The following PTP4A1 variants were observed in gnomAD, a reference collection of about 807,000 sequenced individuals.
PTP4A1 encodes the protein protein tyrosine phosphatase type IVA 1.
Under a neutral mutation model 20.5 loss-of-function variants are expected in PTP4A1, and 9 were observed. The ratio of observed to expected loss-of-function variants is 0.44; its 90% confidence interval spans 0.26 to 0.77. The LOEUF (loss-of-function observed/expected upper bound fraction) is 0.77, where lower values mean the gene tolerates loss of function less well. PTP4A1 is among the 30% of genes least tolerant of loss of function. The pLI, the probability that PTP4A1 is intolerant of heterozygous loss-of-function variation, is 0.19. For synonymous variants in PTP4A1, 78 were observed against 67.4 expected, an observed-to-expected ratio of 1.16 and a Z score of -0.77; for missense variants, 137 against 218.8, an observed-to-expected ratio of 0.63 and a Z score of 2.36.
At position 63,582,910 on chromosome 6, in the gene PTP4A1, C is replaced by T. The variant is rs1778332987; in HGVS notation, c.*2736C>T. ...GCCCAGGCATGCAGTCACATTTAAT[C>T]ACATCCCCCTTCTAGAGTGCTTCAA... On this transcript the variant is annotated 3_prime_UTR_variant, in exon 6 of 6. Transcript: ENST00000626021. 2.6e-5 allele frequency: 4 copies of T among 152,202 alleles called. 1 individual carries two copies. In the South Asian group the frequency reaches 8.3e-4, roughly 31 times the overall value. 9.4% of individuals were successfully genotyped at this position (152,202 alleles called of 1,614,324 possible). A position where few individuals can be genotyped will look rare whatever the true frequency, so the allele number is the denominator to read the frequency against.
chr6:63,576,797 G>C lies in PTP4A1; in HGVS notation c.-84G>C. ...ATTTCAAGTGGAGTATATTGAAGTA[G>C]ACTTCAGTTTCTTTGCATCATTTCT... On this transcript the variant is annotated 5_prime_UTR_variant, in exon 2 of 6. Coordinates refer to ENST00000626021, the MANE Select transcript of PTP4A1 (RefSeq NM_003463.5). 9.3e-7 allele frequency: 1 copy of C among 1,079,700 alleles called. No individual in the cohort carries two copies. The highest frequency in any genetic ancestry group is 1.4e-6 in the Non-Finnish European group (1 of 729,456). The allele number at this position is 1,079,700 out of a possible 1,614,324, so 66.9% of individuals were successfully genotyped here. A position where few individuals can be genotyped will look rare whatever the true frequency, so the allele number is the denominator to read the frequency against.
At chr6:63,555,459 T>G (rs1336434057) in intron 3 of PTP4A1, among the ~76,000 whole-genome samples, 1 of 152,224 alleles carries the variant, frequency 6.6e-6, no homozygotes, top group Admixed American at 6.5e-5. Flanking sequence ...AGTTATCCAT[T>G]TGTATAAATG....
intron 1 of PTP4A1, among the ~76,000 whole-genome samples, chr6:63,523,222 A>C (rs1293294908): frequency 6.6e-6 from 1 of 152,136 alleles, no homozygotes; most frequent in African/African-American, 2.4e-5. Flanking sequence ...AAACAACTAT[A>C]AAGTAAGTGT....
At chr6:63,564,521 G>C (rs1158761071) in intron 3 of PTP4A1, among the ~76,000 whole-genome samples, 8 of 152,156 alleles carry the variant, frequency 5.3e-5, no homozygotes, top group Admixed American at 5.2e-4. Flanking sequence ...TGTAAGGCCT[G>C]CCCCAGTAAT....
intron 2 of PTP4A1, among the ~76,000 whole-genome samples, chr6:63,537,535 C>T (rs980456775): frequency 1.3e-4 from 20 of 152,188 alleles, no homozygotes; most frequent in African/African-American, 4.8e-4. Context: ...TACCTTTTCA[C>T]CCCAGAGAAA....
chr6:63,534,618 GGCA>G lies in PTP4A1; in HGVS notation c.-640+6535_-640+6537del, dbSNP rs373777701. On this transcript the variant is annotated intron_variant, in intron 2 of 3. Transcript: ENST00000639568. ...TTGCTTGAGCCCAAGAGTTAGCCCA[GGCA>G]ACGTAGCAAGACACCATGTCTCTAA... Among the ~76,000 whole-genome samples the G allele has an allele frequency of 8.7e-3, 1,329 of 152,040 alleles. 22 individuals carry two copies. The highest frequency in any genetic ancestry group is 0.03 in the African/African-American group (1,257 of 41,430).
chr6:63,535,572 T>C (rs936688442), intron 2 of PTP4A1, among the ~76,000 whole-genome samples: 1 of 152,246 alleles, frequency 6.6e-6, no homozygotes, highest in African/African-American at 2.4e-5. Flanking sequence ...CAGTTGTACA[T>C]ATGTGTCATA....
intron 3 of PTP4A1, among the ~76,000 whole-genome samples, chr6:63,563,150 C>T (rs1220631197): frequency 6.6e-6 from 1 of 152,202 alleles, no homozygotes; most frequent in Non-Finnish European, 1.5e-5. Context: ...TAAAATAATT[C>T]TACTCTAGGG....
At chr6:63,546,849 C>CA (rs1365609984) in intron 2 of PTP4A1, among the ~76,000 whole-genome samples, 2 of 151,934 alleles carry the variant, frequency 1.3e-5, no homozygotes, top group Non-Finnish European at 2.9e-5. Flanking sequence ...TTTCTCATCT[C>CA]AAAAAAATAT....
chr6:63,551,353 A>C lies in PTP4A1; in HGVS notation c.-446+860A>C, dbSNP rs192762829. Among the ~76,000 whole-genome samples, 8 of 152,354 alleles carry C rather than the reference A, an allele frequency of 5.3e-5. No homozygotes were observed. The East Asian group carries it at 1.5e-3, about 29-fold the overall frequency. On this transcript the variant is annotated intron_variant, in intron 3 of 3. Transcript: ENST00000639568. ...AGTGCTGGGATTACAGGCATGAGCC[A>C]CTGCACCCAGCCGCTGTGGGTAATT...
chr6:63,566,343 G>C (rs766570959), intron 3 of PTP4A1, among the ~76,000 whole-genome samples: 22 of 152,222 alleles, frequency 1.4e-4, no homozygotes, highest in Admixed American at 2.0e-4. Flanking sequence ...CTGTAGCCAG[G>C]GGGTGAGGGG....
rs1366708457 is a variant in PTP4A1 at position 63,551,178 on chromosome 6, G to A, written c.-446+685G>A. 5.3e-5 allele frequency among the ~76,000 whole-genome samples: 8 copies of A among 152,046 alleles called. No homozygotes were observed. The East Asian group carries it at 5.8e-4, about 11-fold the overall frequency. On this transcript the variant is annotated intron_variant, in intron 3 of 3. Transcript: ENST00000639568. ...CTTTCCAGGTTCAAGTGATTCTCCT[G>A]CCTCAGCCTCCCAAATAGCTGGGAC...
At chr6:63,555,226 C>T (rs1056733643) in intron 3 of PTP4A1, among the ~76,000 whole-genome samples, 5 of 152,096 alleles carry the variant, frequency 3.3e-5, no homozygotes, top group African/African-American at 4.8e-5. Flanking sequence ...GAGGCTGCCC[C>T]GAGTAGAGGT....
chr6:63,529,634 G>A (rs1329485392), intron 2 of PTP4A1, among the ~76,000 whole-genome samples: 1 of 152,096 alleles, frequency 6.6e-6, no homozygotes, highest in South Asian at 2.1e-4. Flanking sequence ...TCAAAAGCTT[G>A]GTTTGAGCAG....
At chr6:63,522,244 T>A (rs992482780) in intron 1 of PTP4A1, among the ~76,000 whole-genome samples, 4 of 152,240 alleles carry the variant, frequency 2.6e-5, no homozygotes, top group African/African-American at 9.6e-5. Context: ...ATGGCAAATT[T>A]TAACTGTTGT....
At chr6:63,527,343 G>A (rs981245011) in intron 1 of PTP4A1, among the ~76,000 whole-genome samples, 9 of 152,122 alleles carry the variant, frequency 5.9e-5, no homozygotes, top group East Asian at 3.9e-4. Context: ...ACAGATTCTC[G>A]TATCACCACA....
intron 2 of PTP4A1, chr6:63,548,813 C>A: frequency 1.3e-6 from 1 of 741,284 alleles, no homozygotes; most frequent in African/African-American, 1.7e-5. Context: ...GACGGCGGAT[C>A]TCATTGTATC....
rs1778018302 is a variant in PTP4A1 at position 63,578,508 on chromosome 6, G to A, written c.177G>A (p.Glu59=). ...CEATYDTTLV[E]KEGIHVLDWP... ...CAACTTATGACACTACTCTTGTGGAGAAAGAAGGTATCCATGTTCTTGTAA... is the reference window on the plus strand; with the variant it reads ...CAACTTATGACACTACTCTTGTGGAAAAAGAAGGTATCCATGTTCTTGTAA... The change falls in exon 3 of 6, where the codon GAG becomes GAA. Residue 59 remains glutamate, a synonymous_variant. Transcript: ENST00000626021. 1 of 1,612,024 alleles carries A rather than the reference G, an allele frequency of 6.2e-7. No homozygotes were observed. The highest frequency in any genetic ancestry group is 8.5e-7 in the Non-Finnish European group (1 of 1,179,272).
chr6:63,558,747 G>A (rs1776797462), intron 3 of PTP4A1, among the ~76,000 whole-genome samples: 2 of 152,310 alleles, frequency 1.3e-5, no homozygotes, highest in South Asian at 4.1e-4. Flanking sequence ...GTATAAGAAT[G>A]ACAGAGAAAG....
Sources: gnomAD v4.1 joint callset for allele counts (sites outside exome capture counted in the v4.1 genomes callset) on GRCh38, gnomAD v4.1.1 for gene constraint, MANE v1.5 for transcripts, NCBI Gene and HGNC (gene_info 2026-07-23, HGNC 2026-07-21) for gene names.